EPHA6: variants seen among roughly 807,000 people sequenced by gnomAD.
EPHA6 encodes the protein EPH receptor A6.
A neutral mutation model predicts 112.0 loss-of-function variants in EPHA6; 50 were observed. The ratio of observed to expected loss-of-function variants is 0.45; its 90% confidence interval spans 0.36 to 0.56. The LOEUF (loss-of-function observed/expected upper bound fraction) is 0.56, where lower values mean the gene tolerates loss of function less well. Ranked by LOEUF, EPHA6 falls within the 20% of genes least tolerant of loss-of-function variation. EPHA6 has a pLI of 0.00. For missense variants in EPHA6, 1,280 were observed against 1,417.4 expected, an observed-to-expected ratio of 0.90 and a Z score of 1.56; for synonymous variants, 529 against 490.7, an observed-to-expected ratio of 1.08 and a Z score of -1.03.
chr3:96,962,870 A>G (rs993231771), intron 2 of EPHA6, among the ~76,000 whole-genome samples: 1 of 152,030 alleles, frequency 6.6e-6, no homozygotes, highest in Non-Finnish European at 1.5e-5. Context: ...AGGAGGGAGC[A>G]TTTCAGGCAC....
intron 3 of EPHA6, among the ~76,000 whole-genome samples, chr3:97,093,240 C>G (rs563918063): frequency 1.5e-3 from 224 of 152,254 alleles, no homozygotes; most frequent in African/African-American, 5.0e-3. Context: ...TTCTATCATT[C>G]TGATTCCTGA....
At chr3:97,587,422 A>G (rs986473994) in intron 11 of EPHA6, among the ~76,000 whole-genome samples, 5 of 152,188 alleles carry the variant, frequency 3.3e-5, no homozygotes, top group African/African-American at 1.2e-4. Flanking sequence ...CTTATTATAA[A>G]ACATACAAAA....
In EPHA6 at chr3:97,224,300, G is replaced by T. The variant is rs538955917; in HGVS notation, c.1115-1964G>T. 1.2e-4 allele frequency among the ~76,000 whole-genome samples: 18 copies of T among 152,246 alleles called. No homozygotes were observed. The East Asian group carries it at 3.5e-3, about 29-fold the overall frequency. On this transcript the variant is annotated intron_variant, in intron 3 of 17. Transcript: ENST00000389672. ...AGTGGGCAAGAATAGTTGCTGAGAG[G>T]CTAGTTATGAGACTGTTCTCAAGAA...
chr3:96,994,759 A>AGAGAGAGAGAGCGAGCGAGC (rs763682996), intron 3 of EPHA6, among the ~76,000 whole-genome samples: 1 of 116,214 alleles, frequency 8.6e-6, no homozygotes, highest in Admixed American at 8.7e-5. Context: ...AGAGAGAGAG[A>AGAGAGAGAGAGCGAGCGAGC]GAGCTATATA....
At chr3:97,481,719 T>C (rs866136899) in intron 9 of EPHA6, among the ~76,000 whole-genome samples, 28 of 151,802 alleles carry the variant, frequency 1.8e-4, no homozygotes, top group Non-Finnish European at 2.1e-4. Flanking sequence ...TGAGGAACTT[T>C]TATACAGTAA....
intron 7 of EPHA6, among the ~76,000 whole-genome samples, chr3:97,457,309 AAC>A (rs1299468565): frequency 1.3e-5 from 2 of 152,176 alleles, no homozygotes; most frequent in African/African-American, 4.8e-5. Context: ...AAAGGGTAGA[AAC>A]ACATGATGCT....
intron 3 of EPHA6, among the ~76,000 whole-genome samples, chr3:97,129,679 G>A (rs1003813870): frequency 2.0e-5 from 3 of 152,272 alleles, no homozygotes; most frequent in Non-Finnish European, 2.9e-5. Flanking sequence ...TTTTGCAGTA[G>A]TAGAGAGAGA....
intron 3 of EPHA6, among the ~76,000 whole-genome samples, chr3:97,061,578 A>T (rs185122345): frequency 6.6e-6 from 1 of 152,216 alleles, no homozygotes; most frequent in South Asian, 2.1e-4. Context: ...CACTACCACT[A>T]TATGTTTATG....
chr3:97,607,139 G>T (rs1292246374), intron 12 of EPHA6, among the ~76,000 whole-genome samples: 2 of 140,510 alleles, frequency 1.4e-5, no homozygotes, highest in African/African-American at 2.6e-5. Context: ...ACATGAAAAT[G>T]TTAAGTCTCT....
chr3:97,506,585 C>G (rs1469984333), intron 10 of EPHA6, among the ~76,000 whole-genome samples: 2 of 152,080 alleles, frequency 1.3e-5, no homozygotes, highest in African/African-American at 4.8e-5. Context: ...GTTACTGTAG[C>G]CTTGTAGTAT....
chr3:97,096,969 T>C (rs1252875315), intron 3 of EPHA6, among the ~76,000 whole-genome samples: 4 of 151,804 alleles, frequency 2.6e-5, no homozygotes, highest in Non-Finnish European at 5.9e-5. Flanking sequence ...GTTCCCTACG[T>C]AGTTTATGAG....
At chr3:97,738,796 T>G (rs977656549) in intron 16 of EPHA6, among the ~76,000 whole-genome samples, 3 of 152,094 alleles carry the variant, frequency 2.0e-5, no homozygotes, top group African/African-American at 7.2e-5. Flanking sequence ...TTGTGACTGA[T>G]TTGCTATCCT....
At chr3:96,866,741 A>C (rs973324623) in intron 1 of EPHA6, 84 bp from the exon 2 acceptor site, 3 of 730,054 alleles carry the variant, frequency 4.1e-6, no homozygotes, top group Non-Finnish European at 6.4e-6. Flanking sequence ...GACATTAATG[A>C]TTTTTATTAT....
At chr3:97,325,229 A>G (rs1047098825) in intron 5 of EPHA6, among the ~76,000 whole-genome samples, 8 of 152,118 alleles carry the variant, frequency 5.3e-5, no homozygotes, top group African/African-American at 1.9e-4. Flanking sequence ...ACCATCGACT[A>G]TGTGGCTCAA....
intron 4 of EPHA6, among the ~76,000 whole-genome samples, chr3:97,228,365 T>C (rs543690410): frequency 2.0e-5 from 3 of 152,048 alleles, no homozygotes; most frequent in South Asian, 2.1e-4. Flanking sequence ...ATCATTCTTA[T>C]GTTGTTGCTC....
chr3:97,038,549 A>C (rs903085943), intron 3 of EPHA6, among the ~76,000 whole-genome samples: 1 of 152,084 alleles, frequency 6.6e-6, no homozygotes. Flanking sequence ...TTCTTTATCC[A>C]TTCATTCACT....
At chr3:97,306,744 A>G (rs1262287389) in intron 5 of EPHA6, among the ~76,000 whole-genome samples, 1 of 151,920 alleles carries the variant, frequency 6.6e-6, no homozygotes, top group Non-Finnish European at 1.5e-5. Context: ...GAATTGGTTT[A>G]TAGGACTAGG....
rs532036841 is a variant in EPHA6 at position 97,016,131 on chromosome 3, T to G, written c.1114+28138T>G. On this transcript the variant is annotated intron_variant, in intron 3 of 17. Coordinates refer to ENST00000389672, the MANE Select transcript of EPHA6 (RefSeq NM_001080448.3). ...AATGAAACATTGAAGATATGTGTCT[T>G]ACCAAAGCAGCTTGCTGTAGGTATG... Among the ~76,000 whole-genome samples, 22 of 152,282 alleles carry G rather than the reference T, an allele frequency of 1.4e-4. No individual in the cohort carries two copies. In the South Asian group the frequency reaches 4.6e-3, roughly 32 times the overall value.
chr3:97,178,131 A>G lies in EPHA6; in HGVS notation c.1115-48133A>G, dbSNP rs189775434. Among the ~76,000 whole-genome samples the G allele has an allele frequency of 7.7e-3, 1,169 of 152,062 alleles. 11 individuals are homozygous for G. The highest frequency in any genetic ancestry group is 0.027 in the African/African-American group (1,111 of 41,538). On this transcript the variant is annotated intron_variant, in intron 3 of 17. Coordinates refer to ENST00000389672, the MANE Select transcript of EPHA6 (RefSeq NM_001080448.3). Reference sequence around the variant, plus strand: ...TTATGTTTTTGTGTATGAAGTTACCATTAGGCTTGCAAATACTATCTCATA... The same window carrying G: ...TTATGTTTTTGTGTATGAAGTTACCGTTAGGCTTGCAAATACTATCTCATA...
Sources: gnomAD v4.1 joint callset for allele counts (sites outside exome capture counted in the v4.1 genomes callset) on GRCh38, gnomAD v4.1.1 for gene constraint, MANE v1.5 for transcripts, NCBI Gene and HGNC (gene_info 2026-07-23, HGNC 2026-07-21) for gene names.